The following AKAP19 variants were observed in gnomAD, a reference collection of about 807,000 sequenced individuals.
AKAP19 encodes small A-kinase anchoring protein.
chr2:190,109,520 T>C, the AKAP19 span, among the ~76,000 whole-genome samples: 284 of 152,204 alleles, frequency 1.9e-3, 1 homozygote, highest in African/African-American at 6.5e-3. Context: ...CTGCTGGGGA[T>C]GGTGCTCCAC....
At chr2:190,055,687 A>AT in the AKAP19 span, 1 of 152,170 alleles carries the variant, frequency 6.6e-6, no homozygotes, top group African/African-American at 2.4e-5. Context: ...AATCATTAGA[A>AT]TAAAAACTGT....
chr2:190,022,836 C>T, the AKAP19 span, among the ~76,000 whole-genome samples: 2 of 152,008 alleles, frequency 1.3e-5, no homozygotes, highest in Non-Finnish European at 2.9e-5. Context: ...GTACTTGTTT[C>T]ATTACTCCTA....
At chr2:189,898,034 C>A in the AKAP19 span, among the ~76,000 whole-genome samples, 1 of 151,952 alleles carries the variant, frequency 6.6e-6, no homozygotes, top group East Asian at 1.9e-4. Flanking sequence ...ATTGTGAAAA[C>A]CCCATCTCTA....
At chr2:190,161,653 C>A in the AKAP19 span, among the ~76,000 whole-genome samples, 63 of 152,226 alleles carry the variant, frequency 4.1e-4, no homozygotes, top group African/African-American at 1.5e-3. Flanking sequence ...CAGTATTGAT[C>A]CCCCTGTTAC....
chr2:189,998,963 G>A, the AKAP19 span, among the ~76,000 whole-genome samples: 10 of 150,942 alleles, frequency 6.6e-5, no homozygotes, highest in East Asian at 1.9e-3. Flanking sequence ...GTAGAGACAG[G>A]GTTTTACCAT....
At chr2:189,938,664 C>T in the AKAP19 span, among the ~76,000 whole-genome samples, 1 of 151,956 alleles carries the variant, frequency 6.6e-6, no homozygotes, top group African/African-American at 2.4e-5. Flanking sequence ...AAAATGGTGA[C>T]TATAGTCAAT....
At chr2:189,977,150 A>T in the AKAP19 span, among the ~76,000 whole-genome samples, 2 of 152,178 alleles carry the variant, frequency 1.3e-5, no homozygotes, top group African/African-American at 4.8e-5. Flanking sequence ...CTTCCTTGAT[A>T]AATTGCTTTT....
the AKAP19 span, chr2:190,079,512 T>C: frequency 6.6e-6 from 1 of 152,218 alleles, no homozygotes; most frequent in African/African-American, 2.4e-5. Context: ...CATTTTATAT[T>C]TGAGTTAACG....
chr2:190,201,812 T>C, the AKAP19 span: 2 of 167,098 alleles, frequency 1.2e-5, no homozygotes, highest in African/African-American at 2.4e-5. Context: ...TCTGAAGTTA[T>C]AAGGTTAAGG....
At chr2:190,128,989 C>T in the AKAP19 span, among the ~76,000 whole-genome samples, 403 of 152,224 alleles carry the variant, frequency 2.6e-3, 5 homozygotes, top group Non-Finnish European at 4.6e-3. Flanking sequence ...AATGATATGA[C>T]GTAAGCATAT....
chr2:190,013,766 C>T, the AKAP19 span, among the ~76,000 whole-genome samples: 1 of 152,128 alleles, frequency 6.6e-6, no homozygotes, highest in African/African-American at 2.4e-5. Flanking sequence ...GATCCACCCA[C>T]CTCGGCCTCC....
At chr2:190,113,690 G>A in the AKAP19 span, among the ~76,000 whole-genome samples, 1 of 152,144 alleles carries the variant, frequency 6.6e-6, no homozygotes, top group Admixed American at 6.5e-5. Context: ...TTCTATCCCA[G>A]GAGTAGACAA....
chr2:190,043,190 T>G, the AKAP19 span, among the ~76,000 whole-genome samples: 3 of 152,186 alleles, frequency 2.0e-5, no homozygotes, highest in Non-Finnish European at 4.4e-5. Flanking sequence ...TCTTCTTGTG[T>G]AGTATCCTGC....
the AKAP19 span, among the ~76,000 whole-genome samples, chr2:190,043,371 C>T: frequency 5.9e-5 from 9 of 152,156 alleles, no homozygotes; most frequent in African/African-American, 2.2e-4. Context: ...TGCCATACTT[C>T]TAGAGATTTT....
chr2:190,133,031 T>C, the AKAP19 span, among the ~76,000 whole-genome samples: 3 of 151,958 alleles, frequency 2.0e-5, no homozygotes, highest in South Asian at 4.2e-4. Context: ...GGTCAGGAGA[T>C]AGAGACCATC....
chr2:190,191,905 CTGTT>C, the AKAP19 span, among the ~76,000 whole-genome samples: 2 of 150,446 alleles, frequency 1.3e-5, no homozygotes, highest in African/African-American at 2.4e-5. Flanking sequence ...TTTATATTTG[CTGTT>C]TTTTTTTCAA....
chr2:190,188,943 T>C, the AKAP19 span, among the ~76,000 whole-genome samples: 1 of 152,226 alleles, frequency 6.6e-6, no homozygotes, highest in African/African-American at 2.4e-5. Flanking sequence ...CTTCTCAGCA[T>C]GCCATGAGCA....
At chr2:190,053,799 G>C in the AKAP19 span, among the ~76,000 whole-genome samples, 1 of 151,900 alleles carries the variant, frequency 6.6e-6, no homozygotes, top group Non-Finnish European at 1.5e-5. Context: ...CTATTTGTAT[G>C]TAATTAATAT....
the AKAP19 span, among the ~76,000 whole-genome samples, chr2:189,981,293 C>CTTTTTTTTTTTT: frequency 1.4e-5 from 1 of 71,484 alleles, no homozygotes; most frequent in Non-Finnish European, 2.9e-5. Flanking sequence ...TTTTTTTTTG[C>CTTTTTTTTTTTT]TGTTGTTGGT....
Sources: allele counts gnomAD v4.1 joint callset (sites outside exome capture counted in the v4.1 genomes callset), GRCh38; gene constraint gnomAD v4.1.1; transcripts MANE v1.5; gene names NCBI Gene and HGNC (gene_info 2026-07-23, HGNC 2026-07-21).